Variants in NCKAP5 observed in about 807,000 individuals in gnomAD.
NCKAP5 encodes the protein NCK associated protein 5, also known as nck-associated protein 5.
In NCKAP5, 92 loss-of-function variants were observed where a neutral mutation model predicts 167.0. That is an observed-to-expected ratio of 0.55 (90% confidence interval 0.47 to 0.66). The LOEUF is 0.66. NCKAP5 is among the 30% of genes least tolerant of loss of function. The pLI is 0.00. For missense variants in NCKAP5, 2,378 were observed against 2,315.0 expected, an observed-to-expected ratio of 1.03 and a Z score of -0.56; for synonymous variants, 891 against 877.4, an observed-to-expected ratio of 1.02 and a Z score of -0.27.
At chr2:132,781,608 T>C (rs1683039422) in intron 14 of NCKAP5, among the ~76,000 whole-genome samples, 1 of 152,218 alleles carries the variant, frequency 6.6e-6, no homozygotes, top group African/African-American at 2.4e-5. Flanking sequence ...TTAAAACGTA[T>C]GTGTAATTTT....
chr2:133,547,656 C>A (rs1453016216), intron 2 of NCKAP5, among the ~76,000 whole-genome samples: 1 of 151,698 alleles, frequency 6.6e-6, no homozygotes, highest in African/African-American at 2.4e-5. Flanking sequence ...AACAGACCTA[C>A]AGCTGAGGTT....
chr2:132,833,495 G>T (rs1018733264), intron 11 of NCKAP5, among the ~76,000 whole-genome samples: 149 of 152,156 alleles, frequency 9.8e-4, no homozygotes, highest in African/African-American at 3.4e-3. Context: ...GTAGTTTTGG[G>T]TCTTATGTTT....
chr2:133,597,247 C>T, the NCKAP5 span, among the ~76,000 whole-genome samples: 1 of 152,168 alleles, frequency 6.6e-6, no homozygotes, highest in Non-Finnish European at 1.5e-5. Context: ...GTGACCTGGA[C>T]ATCTGCGAAG....
chr2:133,053,614 C>A (rs2079686071), intron 6 of NCKAP5, among the ~76,000 whole-genome samples: 1 of 152,188 alleles, frequency 6.6e-6, no homozygotes, highest in Non-Finnish European at 1.5e-5. Flanking sequence ...CATGGCCATG[C>A]AAATCAGCAC....
intron 6 of NCKAP5, among the ~76,000 whole-genome samples, chr2:133,003,241 T>C (rs2149338468): frequency 6.6e-6 from 1 of 152,304 alleles, no homozygotes; most frequent in Non-Finnish European, 1.5e-5. Context: ...ATATTTTGCA[T>C]TGCCTCCCAT....
chr2:133,589,132 C>T, the NCKAP5 span, among the ~76,000 whole-genome samples: 1 of 152,180 alleles, frequency 6.6e-6, no homozygotes, highest in Non-Finnish European at 1.5e-5. Flanking sequence ...GAAAGATGAA[C>T]TGCAGAGAAA....
chr2:133,287,528 T>G (rs1679238899), intron 4 of NCKAP5, among the ~76,000 whole-genome samples: 1 of 152,222 alleles, frequency 6.6e-6, no homozygotes, highest in Admixed American at 6.5e-5. Flanking sequence ...AATTTCCCTG[T>G]TCAAGAAAAT....
intron 3 of NCKAP5, among the ~76,000 whole-genome samples, chr2:133,456,982 G>A (rs114242672): frequency 1.5e-4 from 23 of 152,208 alleles, no homozygotes; most frequent in African/African-American, 3.1e-4. Context: ...AATGTCTTCC[G>A]TTAACACAGC....
chr2:133,111,507 C>T (rs115770840), intron 6 of NCKAP5, among the ~76,000 whole-genome samples: 2,993 of 152,222 alleles, frequency 0.02, 91 homozygotes, highest in African/African-American at 0.069. Context: ...AAGATCAACT[C>T]ATTTACATGT....
the NCKAP5 span, among the ~76,000 whole-genome samples, chr2:133,647,954 G>T: frequency 4.6e-5 from 7 of 152,040 alleles, no homozygotes; most frequent in South Asian, 1.5e-3. Context: ...TGTATGAAAA[G>T]ACTTCAAAAT....
chr2:133,217,169 C>T (rs571986728), intron 4 of NCKAP5, among the ~76,000 whole-genome samples: 110 of 152,192 alleles, frequency 7.2e-4, no homozygotes, highest in African/African-American at 2.6e-3. Context: ...TAAGTACATA[C>T]TGCAAACAGT....
chr2:132,829,896 G>C (rs1004131065), intron 11 of NCKAP5, among the ~76,000 whole-genome samples: 1 of 152,184 alleles, frequency 6.6e-6, no homozygotes, highest in East Asian at 1.9e-4. Context: ...CATTAGGTTT[G>C]TTTGTGGCTG....
intron 4 of NCKAP5, among the ~76,000 whole-genome samples, chr2:133,221,835 C>T (rs1355953967): frequency 1.3e-5 from 2 of 152,304 alleles, no homozygotes; most frequent in Non-Finnish European, 1.5e-5. Flanking sequence ...ATGTCTATCA[C>T]ATATTCTATG....
At chr2:133,238,969 T>C (rs1164987512) in intron 4 of NCKAP5, among the ~76,000 whole-genome samples, 1 of 152,224 alleles carries the variant, frequency 6.6e-6, no homozygotes, top group Non-Finnish European at 1.5e-5. Flanking sequence ...AGGTTAATAG[T>C]GAACCCCAAT....
chr2:132,745,577 A>C (rs1193882650), intron 16 of NCKAP5, among the ~76,000 whole-genome samples: 1 of 151,910 alleles, frequency 6.6e-6, no homozygotes, highest in African/African-American at 2.4e-5. Flanking sequence ...TCCATTTAAC[A>C]TTATAGTGGA....
chr2:133,585,511 CT>C, the NCKAP5 span, among the ~76,000 whole-genome samples: 2 of 152,156 alleles, frequency 1.3e-5, no homozygotes, highest in Non-Finnish European at 2.9e-5. Context: ...CAGGTCAGGC[CT>C]TTTACTTCTT....
At chr2:132,817,958 T>C (rs1235938352) in intron 11 of NCKAP5, among the ~76,000 whole-genome samples, 1 of 152,238 alleles carries the variant, frequency 6.6e-6, no homozygotes, top group Non-Finnish European at 1.5e-5. Context: ...TTTATTTATT[T>C]ATTTTTTAAG....
At chr2:133,352,832 C>A (rs1384208237) in intron 3 of NCKAP5, among the ~76,000 whole-genome samples, 1 of 152,214 alleles carries the variant, frequency 6.6e-6, no homozygotes. Flanking sequence ...ACTTTTAGTA[C>A]TAGCCAAGCT....
chr2:132,706,357 G>A (rs1393697157), intron 19 of NCKAP5, among the ~76,000 whole-genome samples: 1 of 152,184 alleles, frequency 6.6e-6, no homozygotes, highest in Non-Finnish European at 1.5e-5. Context: ...GCTGATGGAA[G>A]GAGGCTGGAT....
Sources: gnomAD v4.1 joint callset for allele counts (sites outside exome capture counted in the v4.1 genomes callset) on GRCh38, gnomAD v4.1.1 for gene constraint, MANE v1.5 for transcripts, NCBI Gene and HGNC (gene_info 2026-07-23, HGNC 2026-07-21) for gene names.